OPCML: variants seen among roughly 807,000 people sequenced by gnomAD.
The protein encoded by OPCML is opioid binding protein/cell adhesion molecule like.
In OPCML, 13 loss-of-function variants were observed where a neutral mutation model predicts 37.8. That is an observed-to-expected ratio of 0.34 (90% CI 0.22 to 0.55). The LOEUF (loss-of-function observed/expected upper bound fraction) is 0.55, where lower values mean the gene tolerates loss of function less well. Among genes scored for constraint, OPCML ranks in the 20% least tolerant of loss-of-function variants. The probability of loss-of-function intolerance (pLI) is 0.91; values close to 1 mark genes in which losing one functional copy is unlikely to be tolerated. For synonymous variants in OPCML, 176 were observed against 168.8 expected (o/e 1.04, Z -0.33); for missense variants, 341 against 435.6 (o/e 0.78, Z 1.93).
chr11:132,770,449 A>C (rs1946599417), intron 2 of OPCML, among the ~76,000 whole-genome samples: 2 of 152,080 alleles, frequency 1.3e-5, no homozygotes, highest in Admixed American at 6.5e-5. Flanking sequence ...AAAACAAGAA[A>C]TAGATACTGA....
chr11:132,542,056 A>G lies in OPCML; in HGVS notation c.380-12870T>C, dbSNP rs147380300. On this transcript the variant is annotated intron_variant, in intron 3 of 7. Coordinates refer to ENST00000524381, the MANE Select transcript of OPCML (RefSeq NM_001012393.5). ...GCTTTAATTCCTAGACCTGTCATTT[A>G]GTGATCCTTGGTTACAGATGATCAG... Among the ~76,000 whole-genome samples the G allele has an allele frequency of 1.4e-4, 21 of 152,308 alleles. No individual in the cohort carries two copies. In the East Asian group the frequency reaches 3.9e-3, roughly 28 times the overall value.
chr11:133,221,830 A>G (rs1565513224), intron 1 of OPCML, among the ~76,000 whole-genome samples: 1 of 152,210 alleles, frequency 6.6e-6, no homozygotes, highest in African/African-American at 2.4e-5. Context: ...CTGTTAGCCA[A>G]TCAGACTGAT....
chr11:133,169,171 T>C (rs1242728431), intron 1 of OPCML, among the ~76,000 whole-genome samples: 1 of 152,124 alleles, frequency 6.6e-6, no homozygotes, highest in Non-Finnish European at 1.5e-5. Flanking sequence ...GTAACTATAG[T>C]TATTCCATCT....
intron 3 of OPCML, among the ~76,000 whole-genome samples, chr11:132,579,572 G>T (rs542360577): frequency 6.6e-6 from 1 of 152,040 alleles, no homozygotes; most frequent in Non-Finnish European, 1.5e-5. Flanking sequence ...GAAATCAGAG[G>T]TCTCTCCTGC....
chr11:133,146,380 T>C (rs1180268349), intron 1 of OPCML, among the ~76,000 whole-genome samples: 2 of 148,558 alleles, frequency 1.3e-5, no homozygotes, highest in Non-Finnish European at 3.0e-5. Flanking sequence ...AATGGCACAA[T>C]CTTGGCTCAC....
intron 2 of OPCML, among the ~76,000 whole-genome samples, chr11:132,809,950 C>T (rs970062861): frequency 9.9e-5 from 15 of 152,214 alleles, no homozygotes; most frequent in African/African-American, 3.4e-4. Context: ...CCCGGGTTCA[C>T]GCCATTCTCC....
chr11:133,377,646 G>A (rs1221184217), intron 1 of OPCML, among the ~76,000 whole-genome samples: 1 of 118,342 alleles, frequency 8.5e-6, no homozygotes, highest in Non-Finnish European at 1.7e-5. Context: ...AGTCCACAGG[G>A]TCTCCCATTA....
At chr11:133,157,644 C>A (rs1041653871) in intron 1 of OPCML, among the ~76,000 whole-genome samples, 1 of 152,140 alleles carries the variant, frequency 6.6e-6, no homozygotes, top group African/African-American at 2.4e-5. Context: ...TTCCAACTAG[C>A]TCACGGAGGG....
At chr11:132,730,436 G>A (rs776857938) in intron 2 of OPCML, among the ~76,000 whole-genome samples, 20 of 152,080 alleles carry the variant, frequency 1.3e-4, no homozygotes, top group East Asian at 3.9e-4. Context: ...GAAGAATAGC[G>A]GGTGTGGGAA....
chr11:132,776,889 G>C (rs868729915), intron 2 of OPCML, among the ~76,000 whole-genome samples: 7 of 152,190 alleles, frequency 4.6e-5, no homozygotes, highest in South Asian at 2.1e-4. Flanking sequence ...ATCGCTCTCT[G>C]TTGCTTCCTG....
At chr11:133,186,831 G>A (rs1462013051) in intron 1 of OPCML, among the ~76,000 whole-genome samples, 1 of 152,156 alleles carries the variant, frequency 6.6e-6, no homozygotes, top group Non-Finnish European at 1.5e-5. Flanking sequence ...TGTGGGCAAA[G>A]TTTTCCAGCA....
chr11:132,429,741 C>T (rs1267905186), intron 7 of OPCML, among the ~76,000 whole-genome samples: 1 of 152,120 alleles, frequency 6.6e-6, no homozygotes, highest in African/African-American at 2.4e-5. Context: ...ATTCTCAGGA[C>T]CTTCCCTAGA....
intron 2 of OPCML, among the ~76,000 whole-genome samples, chr11:132,819,367 GGAGA>G (rs1238878378): frequency 6.7e-6 from 1 of 149,460 alleles, no homozygotes; most frequent in Non-Finnish European, 1.5e-5. Context: ...AAAAAAAAAA[GGAGA>G]GAGAGACAAA....
intron 4 of OPCML, among the ~76,000 whole-genome samples, chr11:132,476,032 G>A (rs1296402594): frequency 4.6e-5 from 7 of 152,184 alleles, no homozygotes; most frequent in Admixed American, 6.5e-5. Flanking sequence ...GTGAAGATGT[G>A]TAGAATCCTT....
In OPCML at chr11:133,208,856, C is replaced by T. The variant is rs925530040; in HGVS notation, c.62-265846G>A. On this transcript the variant is annotated intron_variant, in intron 1 of 7. Coordinates refer to ENST00000524381, the MANE Select transcript of OPCML (RefSeq NM_001012393.5). This position sits in a 1 kb window ranked among gnomAD's most constrained non-coding sequence, Gnocchi z 8.9. ...TCACGCTATTCCATGACTACCTATT[C>T]TAACTGCTCCCAAAGCACCCCTACT... Among the ~76,000 whole-genome samples the T allele has an allele frequency of 1.9e-4, 29 of 152,170 alleles. No homozygotes were observed. The highest frequency in any genetic ancestry group is 6.0e-4 in the African/African-American group (25 of 41,436).
At chr11:132,597,272 G>C (rs747125770) in intron 3 of OPCML, among the ~76,000 whole-genome samples, 2 of 152,138 alleles carry the variant, frequency 1.3e-5, no homozygotes, top group African/African-American at 4.8e-5. Flanking sequence ...ATGTGCAAAG[G>C]TATTAAATAA....
At chr11:133,346,042 C>T (rs191243047) in intron 1 of OPCML, among the ~76,000 whole-genome samples, 5 of 152,292 alleles carry the variant, frequency 3.3e-5, no homozygotes, top group Admixed American at 3.3e-4. Context: ...TGTAGTTCTT[C>T]ATCAAAGTTG....
At chr11:133,232,069 G>C (rs12796826) in intron 1 of OPCML, among the ~76,000 whole-genome samples, 20,132 of 152,068 alleles carry the variant, frequency 0.13, 1,644 homozygotes, top group East Asian at 0.37. Context: ...AAGGCTGCTG[G>C]ATTTACTCAG....
intron 2 of OPCML, among the ~76,000 whole-genome samples, chr11:132,685,461 C>T (rs1465691507): frequency 6.6e-6 from 1 of 152,186 alleles, no homozygotes; most frequent in Non-Finnish European, 1.5e-5. Context: ...CGGGTCACGA[C>T]ATCCCAGTCT....
Sources: gnomAD v4.1 joint callset for allele counts (sites outside exome capture counted in the v4.1 genomes callset) on GRCh38, gnomAD v4.1.1 for gene constraint, Gnocchi (gnomAD v3.1) non-coding constraint, MANE v1.5 for transcripts, NCBI Gene and HGNC (gene_info 2026-07-23, HGNC 2026-07-21) for gene names.